PCDHA11: variants seen among roughly 807,000 people sequenced by gnomAD.
The protein encoded by PCDHA11 is protocadherin alpha-11.
In PCDHA11, 61 loss-of-function variants were observed where a neutral mutation model predicts 70.3. The ratio of observed to expected loss-of-function variants is 0.87; its 90% CI spans 0.71 to 1.07. The LOEUF is 1.07. PCDHA11 is among the 50% of genes least tolerant of loss of function. The pLI, the probability that PCDHA11 is intolerant of heterozygous loss-of-function variation, is 0.00. For missense variants in PCDHA11, 1,324 were observed against 1,237.5 expected, an observed-to-expected ratio of 1.07 and a Z score of -1.05; for synonymous variants, 633 against 555.1, an observed-to-expected ratio of 1.14 and a Z score of -1.97.
intron 3 of PCDHA11, among the ~76,000 whole-genome samples, chr5:140,986,748 A>G (rs2097211627): frequency 6.6e-6 from 1 of 152,220 alleles, no homozygotes; most frequent in Non-Finnish European, 1.5e-5. Flanking sequence ...GGGATCTGGG[A>G]CTAAACAGTG....
In PCDHA11 at chr5:140,869,684, T is replaced by A; in HGVS notation, c.581T>A (p.Leu194His). 6.2e-7 allele frequency: 1 copy of A among 1,613,486 alleles called. No homozygotes were observed. The highest frequency in any genetic ancestry group is 8.5e-7 in the Non-Finnish European group (1 of 1,179,876). Residue 194 changes from leucine (L) to histidine (H), a missense_variant, in exon 1 of 4, where the codon CTT becomes CAT. Transcript: ENST00000398640. ...GGTAAGCAGATTAAAAGACTGTCAC[T>A]TATTTTAAAGAAGTCTCTGGATAGA... Reference protein sequence around the residue: ...TNGKQIKRLSLILKKSLDREK... With the variant: ...TNGKQIKRLSHILKKSLDREK...
chr5:140,967,487 G>A lies in PCDHA11; in HGVS notation c.2392-11462G>A, dbSNP rs781929483. 60 of 1,613,172 alleles carry A rather than the reference G, an allele frequency of 3.7e-5. No individual in the cohort carries two copies. The highest frequency in any genetic ancestry group is 5.0e-5 in the Non-Finnish European group (59 of 1,179,674). ...GGGCATCCCAGCCCGCTCGGGTACG[G>A]CACAGATCTCTGTGCGTGTCCTGGA... On this transcript the variant is annotated intron_variant, in intron 1 of 3. Coordinates refer to ENST00000398640, the MANE Select transcript of PCDHA11 (RefSeq NM_018902.5).
At chr5:141,009,501 C>G in intron 3 of PCDHA11, 126 bp from the exon 4 acceptor site, 2 of 1,492,598 alleles carry the variant, frequency 1.3e-6, no homozygotes, top group Non-Finnish European at 1.8e-6. Context: ...CAGACTTGAA[C>G]AAACAACTCG....
intron 1 of PCDHA11, among the ~76,000 whole-genome samples, chr5:140,913,494 T>C (rs1554195964): frequency 6.6e-6 from 1 of 152,116 alleles, no homozygotes; most frequent in Non-Finnish European, 1.5e-5. Flanking sequence ...CATTAGTCTG[T>C]TTAAAACTTT....
intron 1 of PCDHA11, chr5:140,967,360 G>T: frequency 6.2e-7 from 1 of 1,607,656 alleles, no homozygotes. Flanking sequence ...TGGACCTTAA[G>T]CCCCTGCAGG....
chr5:140,898,147 C>G (rs2066556304), intron 1 of PCDHA11, among the ~76,000 whole-genome samples: 1 of 152,150 alleles, frequency 6.6e-6, no homozygotes, highest in Non-Finnish European at 1.5e-5. Context: ...GTTGCCTGTT[C>G]ACGCTGATGG....
chr5:140,898,147 C>T (rs2066556304), intron 1 of PCDHA11, among the ~76,000 whole-genome samples: 1 of 152,150 alleles, frequency 6.6e-6, no homozygotes, highest in African/African-American at 2.4e-5. Flanking sequence ...GTTGCCTGTT[C>T]ACGCTGATGG....
rs369053351 is a variant in PCDHA11, at chr5:140,982,539, C to A, written c.2515C>A (p.Pro839Thr). ...AGPGGPDQQW[P>T]TVSSATPEPE... The stretch of plus-strand genomic sequence containing the variant: ...TCCAGGAGGGCCTGATCAGCAGTGG[C>A]CAACAGTATCCAGTGCAACACCAGG... Residue 839 changes from proline (P) to threonine (T), a missense_variant, in exon 3 of 4, where the codon CCA (proline) becomes ACA (threonine). By Grantham distance (38) the Pro-to-Thr change is conservative. Coordinates refer to ENST00000398640, the MANE Select transcript of PCDHA11 (RefSeq NM_018902.5). 29 of 1,614,008 alleles carry A rather than the reference C, an allele frequency of 1.8e-5. No individual in the cohort carries two copies. The highest frequency in any genetic ancestry group is 2.2e-5 in the Non-Finnish European group (26 of 1,180,032).
At chr5:140,902,917 T>G (rs1235478755) in intron 1 of PCDHA11, among the ~76,000 whole-genome samples, 1 of 152,230 alleles carries the variant, frequency 6.6e-6, no homozygotes, top group Non-Finnish European at 1.5e-5. Context: ...CTGAGTAGTA[T>G]TGCATGGTGT....
At chr5:140,977,634 T>A (rs187884163) in intron 1 of PCDHA11, among the ~76,000 whole-genome samples, 83 of 152,298 alleles carry the variant, frequency 5.4e-4, no homozygotes, top group African/African-American at 1.9e-3. Context: ...TTGTAACTTT[T>A]TCTGGGCCTT....
chr5:140,919,286 G>A (rs1225686980), intron 1 of PCDHA11, among the ~76,000 whole-genome samples: 9 of 152,096 alleles, frequency 5.9e-5, no homozygotes, highest in Admixed American at 5.9e-4. Flanking sequence ...GCTATCTTGT[G>A]GTTGCTGTTT....
intron 1 of PCDHA11, among the ~76,000 whole-genome samples, chr5:140,905,575 G>A (rs1233481804): frequency 6.6e-6 from 1 of 152,138 alleles, no homozygotes; most frequent in Non-Finnish European, 1.5e-5. Flanking sequence ...TGTGAAGAAT[G>A]ATAATGATAT....
At chr5:140,953,950 A>G (rs1458991224) in intron 1 of PCDHA11, among the ~76,000 whole-genome samples, 1 of 151,936 alleles carries the variant, frequency 6.6e-6, no homozygotes, top group Non-Finnish European at 1.5e-5. Flanking sequence ...TTGCTCCCCC[A>G]ACAGGCCCCA....
intron 1 of PCDHA11, among the ~76,000 whole-genome samples, chr5:140,903,309 A>C (rs1435676177): frequency 6.6e-6 from 1 of 152,226 alleles, no homozygotes; most frequent in Non-Finnish European, 1.5e-5. Context: ...GTATACAATA[A>C]AGACAGCATT....
At chr5:140,883,208 A>C in intron 1 of PCDHA11, 3 of 1,614,034 alleles carry the variant, frequency 1.9e-6, no homozygotes, top group Non-Finnish European at 1.7e-6. Context: ...CGAAGAAAAG[A>C]AATTATATGA....
chr5:140,950,865 T>C (rs1419138561), intron 1 of PCDHA11, among the ~76,000 whole-genome samples: 1 of 152,098 alleles, frequency 6.6e-6, no homozygotes, highest in Non-Finnish European at 1.5e-5. Context: ...TTCTTGTATA[T>C]TCTATATTGT....
At chr5:140,882,016 A>T in intron 1 of PCDHA11, 1 of 543,846 alleles carries the variant, frequency 1.8e-6, no homozygotes, top group Non-Finnish European at 3.0e-6. Context: ...AAAAAATACT[A>T]CATCAATGGA....
chr5:140,871,364 G>A lies in PCDHA11; in HGVS notation c.2261G>A (p.Arg754Gln), dbSNP rs113722940. ...VGSWSYSQQR[R>Q]QRVCSEEGPP... ...AGCTGGTCATACTCGCAGCAGAGGC[G>A]GCAGAGGGTGTGCTCTGAGGAGGGC... The change falls in exon 1 of 4, where the codon CGG becomes CAG. Residue 754 changes from arginine to glutamine, a missense_variant. Physicochemically the swap from Arg to Gln is conservative, Grantham distance 43. Transcript: ENST00000398640. The A allele has an allele frequency of 2.5e-5, 40 of 1,614,220 alleles. 1 individual carries two copies. The highest frequency in any genetic ancestry group is 2.0e-4 in the African/African-American group (15 of 75,074).
At chr5:140,982,074 T>TAGAGAACCTAGGAACA (rs1554243726) in intron 2 of PCDHA11, among the ~76,000 whole-genome samples, 1 of 151,090 alleles carries the variant, frequency 6.6e-6, no homozygotes, top group Non-Finnish European at 1.5e-5. Flanking sequence ...TTCTTTAGAG[T>TAGAGAACCTAGGAACA]AGAGAACCTA....
Sources: allele counts gnomAD v4.1 joint callset (sites outside exome capture counted in the v4.1 genomes callset), GRCh38; gene constraint gnomAD v4.1.1; transcripts MANE v1.5; gene names NCBI Gene and HGNC (gene_info 2026-07-23, HGNC 2026-07-21).